Variants in PLD5 observed in about 807,000 individuals in gnomAD.
PLD5 encodes the protein phospholipase D family member 5.
In PLD5, 36 loss-of-function variants were observed where a neutral mutation model predicts 61.1. The observed-to-expected ratio is 0.59, with a 90% CI of 0.45 to 0.78. The LOEUF (loss-of-function observed/expected upper bound fraction) is 0.78, where lower values mean the gene tolerates loss of function less well. PLD5 is among the 30% of genes least tolerant of loss of function. The pLI is 0.00. For synonymous variants in PLD5, 243 were observed against 242.8 expected (o/e 1.00, Z -0.01); for missense variants, 515 against 644.4 (o/e 0.80, Z 2.17).
chr1:242,257,577 A>G (rs1331338785), intron 4 of PLD5, among the ~76,000 whole-genome samples: 2 of 152,200 alleles, frequency 1.3e-5, no homozygotes, highest in Non-Finnish European at 2.9e-5. Flanking sequence ...ACAGTTAATA[A>G]CAACGTACAA....
intron 2 of PLD5, among the ~76,000 whole-genome samples, chr1:242,345,308 G>A (rs1660068230): frequency 1.3e-5 from 2 of 152,108 alleles, no homozygotes; most frequent in African/African-American, 2.4e-5. Flanking sequence ...GTAGAATGTA[G>A]ATTTAAATTC....
intron 1 of PLD5, among the ~76,000 whole-genome samples, chr1:242,474,640 C>G (rs1667534032): frequency 6.6e-6 from 1 of 152,200 alleles, no homozygotes; most frequent in Admixed American, 6.5e-5. Flanking sequence ...TTAAAACCCT[C>G]TAGTAAAAGC....
chr1:242,513,098 T>A (rs1668984359), intron 1 of PLD5, among the ~76,000 whole-genome samples: 2 of 152,120 alleles, frequency 1.3e-5, no homozygotes, highest in Admixed American at 6.5e-5. Context: ...CAGCCTGGTC[T>A]CAAACTCCTA....
chr1:242,236,431 GT>G (rs1671643390), intron 4 of PLD5, among the ~76,000 whole-genome samples: 1 of 152,026 alleles, frequency 6.6e-6, no homozygotes, highest in African/African-American at 2.4e-5. Flanking sequence ...TTAGCCTAAA[GT>G]TTTACATAGC....
At chr1:242,113,834 G>T in intron 7 of PLD5, 56 bp downstream of exon 7, 1 of 1,564,606 alleles carries the variant, frequency 6.4e-7, no homozygotes, top group Non-Finnish European at 8.7e-7. Context: ...GTGGTGCCCA[G>T]TTTAGTGCCT....
rs965426508 is a variant in PLD5 at position 242,089,380 on chromosome 1, A to G, written c.*474T>C. 4.9e-6 allele frequency: 2 copies of G among 408,272 alleles called. No homozygotes were observed. Among genetic ancestry groups the G allele is most frequent in the African/African-American group, 2.0e-5 (1 of 48,828 alleles). The allele number at this position is 408,272 out of a possible 1,614,324, so 25.3% of individuals were successfully genotyped here. On this transcript the variant is annotated 3_prime_UTR_variant, in exon 10 of 10. Transcript: ENST00000536534. Reference sequence around the variant, plus strand: ...CATGAGATGTAAGCTATTCATGCTTAGCTGACTGTGTAGGTCTTGGAGACG... The same window carrying G: ...CATGAGATGTAAGCTATTCATGCTTGGCTGACTGTGTAGGTCTTGGAGACG...
chr1:242,371,363 T>C (rs1262380884), intron 1 of PLD5, among the ~76,000 whole-genome samples: 11 of 152,008 alleles, frequency 7.2e-5, no homozygotes, highest in Admixed American at 7.2e-4. Flanking sequence ...TCTGCTTGGG[T>C]GCTACAAGCT....
chr1:242,430,563 T>C (rs538475197), intron 1 of PLD5, among the ~76,000 whole-genome samples: 22 of 152,298 alleles, frequency 1.4e-4, no homozygotes, highest in Non-Finnish European at 3.1e-4. Flanking sequence ...GAAATGAGCA[T>C]GAATAGCTCA....
intron 6 of PLD5, among the ~76,000 whole-genome samples, chr1:242,118,196 G>A (rs1345535211): frequency 6.6e-6 from 1 of 152,198 alleles, no homozygotes; most frequent in East Asian, 1.9e-4. Flanking sequence ...GGGCATCTTG[G>A]TGTGTCCCTT....
chr1:242,460,157 A>G (rs1049964621), intron 1 of PLD5, among the ~76,000 whole-genome samples: 12 of 152,204 alleles, frequency 7.9e-5, no homozygotes, highest in African/African-American at 2.7e-4. Flanking sequence ...CTGTACTTCT[A>G]CATAAAATGT....
intron 1 of PLD5, among the ~76,000 whole-genome samples, chr1:242,367,208 C>T (rs940184668): frequency 6.6e-6 from 1 of 152,040 alleles, no homozygotes; most frequent in Admixed American, 6.6e-5. Context: ...AGGAGTACCA[C>T]CTATGGACAA....
Position 242,335,169 on chromosome 1 carries a change from G to C in PLD5, c.326+12937C>G, listed in dbSNP as rs181319639. ...TCAGGGCTGCTGCCACTGAAACCAA[G>C]AGGTCAAGGAAAGAGTTTTTCCTTC... On this transcript the variant is annotated intron_variant, in intron 2 of 9. Transcript: ENST00000536534. Among the ~76,000 whole-genome samples, 763 of 151,742 alleles carry C rather than the reference G, an allele frequency of 5.0e-3. 1 individual carries two copies. Among genetic ancestry groups the C allele is most frequent in the Non-Finnish European group, 8.3e-3 (561 of 67,882 alleles).
chr1:242,140,510 A>T (rs1354944329), intron 5 of PLD5, among the ~76,000 whole-genome samples: 1 of 152,076 alleles, frequency 6.6e-6, no homozygotes, highest in Non-Finnish European at 1.5e-5. Context: ...GGTGGCATGT[A>T]CTTGTAGTCT....
intron 1 of PLD5, among the ~76,000 whole-genome samples, chr1:242,510,997 A>G (rs1489829535): frequency 6.6e-6 from 1 of 152,200 alleles, no homozygotes; most frequent in East Asian, 1.9e-4. Flanking sequence ...ATCATTTGTA[A>G]TATACTTATG....
intron 1 of PLD5, among the ~76,000 whole-genome samples, chr1:242,499,827 C>G (rs945896075): frequency 6.6e-6 from 1 of 152,144 alleles, no homozygotes; most frequent in African/African-American, 2.4e-5. Flanking sequence ...TTAAACATGT[C>G]TATTTCCTCC....
intron 4 of PLD5, among the ~76,000 whole-genome samples, chr1:242,261,023 TATG>T (rs1451661398): frequency 6.6e-6 from 1 of 152,218 alleles, no homozygotes; most frequent in African/African-American, 2.4e-5. Flanking sequence ...TCAGTAGTTT[TATG>T]ATAAGACGGT....
chr1:242,195,302 T>C (rs1463053573), intron 5 of PLD5, among the ~76,000 whole-genome samples: 1 of 152,150 alleles, frequency 6.6e-6, no homozygotes, highest in Non-Finnish European at 1.5e-5. Flanking sequence ...CTCTGAGAAG[T>C]CTATGTGGGG....
chr1:242,275,746 G>A lies in PLD5; in HGVS notation c.496-10298C>T, dbSNP rs562098798. On this transcript the variant is annotated intron_variant, in intron 3 of 9. Coordinates refer to ENST00000536534, the MANE Select transcript of PLD5 (RefSeq NM_001372062.1). ...GGAAAGTTCCCCAAAGAAAGGTAGG[G>A]AAGAAAGAATGTTCCAGGTGGAGCC... 1.3e-4 allele frequency among the ~76,000 whole-genome samples: 20 copies of A among 152,284 alleles called. No individual in the cohort carries two copies. The South Asian group carries it at 2.7e-3, about 21-fold the overall frequency.
At position 242,168,846 on chromosome 1, in the gene PLD5, G is replaced by GTTTT. The variant is rs34280777; in HGVS notation, c.736-44185_736-44182dup. Among the ~76,000 whole-genome samples the GTTTT allele has an allele frequency of 3.0e-4, 33 of 111,268 alleles. 5 individuals are homozygous for GTTTT. Among genetic ancestry groups the GTTTT allele is most frequent in the Non-Finnish European group, 3.7e-4 (22 of 59,936 alleles). The allele number at this position is 111,268 out of a possible 152,430, so 73.0% of individuals were successfully genotyped here. A position where few individuals can be genotyped will look rare whatever the true frequency, so the allele number is the denominator to read the frequency against. Reference sequence around the variant, plus strand: ...TCCATGACAGTTTTTAATTAATGAAGTTTTTTTTTTTTTTTTTTTTACCAC... The same window carrying GTTTT: ...TCCATGACAGTTTTTAATTAATGAAGTTTTTTTTTTTTTTTTTTTTTTTTACCAC... On this transcript the variant is annotated intron_variant, in intron 5 of 9. Transcript: ENST00000536534.
Sources: gnomAD v4.1 joint callset for allele counts (sites outside exome capture counted in the v4.1 genomes callset) on GRCh38, gnomAD v4.1.1 for gene constraint, MANE v1.5 for transcripts, NCBI Gene and HGNC (gene_info 2026-07-23, HGNC 2026-07-21) for gene names.